The following TXNDC9 variants were observed in gnomAD, a reference collection of about 807,000 sequenced individuals.
The protein encoded by TXNDC9 is thioredoxin domain-containing protein 9.
A neutral mutation model predicts 23.0 loss-of-function variants in TXNDC9; 7 were observed. That is an observed-to-expected ratio of 0.30 (90% CI 0.17 to 0.57). The LOEUF (loss-of-function observed/expected upper bound fraction) is 0.57. Among genes scored for constraint, TXNDC9 ranks in the 20% least tolerant of loss-of-function variants. The pLI is 0.90. For synonymous variants in TXNDC9, 72 were observed against 90.6 expected, an observed-to-expected ratio of 0.79 and a Z score of 1.17; for missense variants, 198 against 252.6, an observed-to-expected ratio of 0.78 and a Z score of 1.47.
At chr2:99,322,861 A>AAG in intron 3 of TXNDC9, 3 of 501,688 alleles carry the variant, frequency 6.0e-6, no homozygotes, top group Non-Finnish European at 8.7e-6. Context: ...TCCCTGGTTC[A>AAG]TGCCATTCTC....
the TXNDC9 span, among the ~76,000 whole-genome samples, chr2:99,310,425 C>T: frequency 2.0e-5 from 3 of 152,074 alleles, no homozygotes; most frequent in African/African-American, 2.4e-5. Context: ...TCCTTGGCCT[C>T]GCAAAGTGCT....
chr2:99,310,032 T>C, the TXNDC9 span, among the ~76,000 whole-genome samples: 1 of 152,142 alleles, frequency 6.6e-6, no homozygotes, highest in Non-Finnish European at 1.5e-5. Flanking sequence ...AAAATGGGAA[T>C]AAAAAGAGTA....
Position 99,321,944 on chromosome 2 carries a change from T to G in TXNDC9, c.563+11A>C. The G allele has an allele frequency of 6.3e-7, 1 of 1,595,136 alleles. No homozygotes were observed. Among genetic ancestry groups the G allele is most frequent in the Non-Finnish European group, 8.5e-7 (1 of 1,171,170 alleles). On this transcript the variant is annotated intron_variant, in intron 4 of 4. Coordinates refer to ENST00000264255, the MANE Select transcript of TXNDC9 (RefSeq NM_005783.4). ...GAATTAAAATCAATCTCTTCTTTTGTTAAAAGTTACCTGTAATTAAGAATG... is the reference window on the plus strand; with the variant it reads ...GAATTAAAATCAATCTCTTCTTTTGGTAAAAGTTACCTGTAATTAAGAATG...
chr2:99,335,220 T>C (rs1282890211), intron 1 of TXNDC9, among the ~76,000 whole-genome samples: 1 of 152,210 alleles, frequency 6.6e-6, no homozygotes, highest in East Asian at 1.9e-4. Flanking sequence ...CACAACAAAC[T>C]GTGAATTCAT....
At chr2:99,314,676 G>A (rs1164420652), downstream of TXNDC9, among the ~76,000 whole-genome samples, 4 of 150,958 alleles carry the variant, frequency 2.6e-5, no homozygotes, top group East Asian at 2.0e-4. Context: ...TACTACAGGC[G>A]CATGCCACCA....
intron 2 of TXNDC9, among the ~76,000 whole-genome samples, chr2:99,330,953 T>C (rs992429380): frequency 1.3e-5 from 2 of 152,218 alleles, no homozygotes; most frequent in African/African-American, 4.8e-5. Flanking sequence ...GACAAATTCA[T>C]TTTAAATTGA....
At chr2:99,316,406 C>T (rs1329016833), downstream of TXNDC9, among the ~76,000 whole-genome samples, 1 of 146,840 alleles carries the variant, frequency 6.8e-6, no homozygotes, top group South Asian at 2.1e-4. Context: ...CTCCTGGCCT[C>T]AAGCACTCCT....
chr2:99,329,606 C>T (rs763959260), intron 2 of TXNDC9, among the ~76,000 whole-genome samples: 1 of 152,238 alleles, frequency 6.6e-6, no homozygotes, highest in Admixed American at 6.5e-5. Flanking sequence ...CTCTCAAATA[C>T]AATTCCCTAA....
At chr2:99,323,267 TGTG>T (rs1325903153) in intron 3 of TXNDC9, among the ~76,000 whole-genome samples, 1 of 150,868 alleles carries the variant, frequency 6.6e-6, no homozygotes, top group Non-Finnish European at 1.5e-5. Flanking sequence ...ATTAGCTGGG[TGTG>T]GTGGTGCATG....
At chr2:99,324,379 T>A (rs1475876012) in intron 3 of TXNDC9, among the ~76,000 whole-genome samples, 3 of 152,288 alleles carry the variant, frequency 2.0e-5, no homozygotes, top group African/African-American at 7.2e-5. Flanking sequence ...CCTCATCACT[T>A]TTTCCCCGGA....
Position 99,328,016 on chromosome 2 carries a change from C to A in TXNDC9, c.190-363G>T, listed in dbSNP as rs2094216836. ...GCCAGGATGGTCTCGATCTCTTGACCTTGTGATCCGCCTGCCTCGGCTTCC... is the reference window on the plus strand; with the variant it reads ...GCCAGGATGGTCTCGATCTCTTGACATTGTGATCCGCCTGCCTCGGCTTCC... On this transcript the variant is annotated intron_variant, in intron 2 of 4. Coordinates refer to ENST00000264255, the MANE Select transcript of TXNDC9 (RefSeq NM_005783.4). Among the ~76,000 whole-genome samples, 5 of 152,008 alleles carry A rather than the reference C, an allele frequency of 3.3e-5. No homozygotes were observed. The South Asian group carries it at 1.0e-3, about 32-fold the overall frequency.
chr2:99,313,237 A>G, the TXNDC9 span, among the ~76,000 whole-genome samples: 2 of 152,188 alleles, frequency 1.3e-5, no homozygotes, highest in African/African-American at 4.8e-5. Context: ...TTCTTCTTCT[A>G]TTTTTTAATT....
At chr2:99,309,916 C>T in the TXNDC9 span, among the ~76,000 whole-genome samples, 507 of 151,554 alleles carry the variant, frequency 3.3e-3, 3 homozygotes, top group African/African-American at 0.012. Context: ...AACTCCTGAC[C>T]TTAGGTGATC....
At chr2:99,328,079 G>A (rs1195341782) in intron 2 of TXNDC9, among the ~76,000 whole-genome samples, 4 of 151,874 alleles carry the variant, frequency 2.6e-5, no homozygotes, top group East Asian at 3.9e-4. Flanking sequence ...CACCGCGCCC[G>A]GCCCAAAAGT....
the TXNDC9 span, among the ~76,000 whole-genome samples, chr2:99,310,044 C>G: frequency 6.6e-6 from 1 of 152,082 alleles, no homozygotes; most frequent in Non-Finnish European, 1.5e-5. Context: ...AAAAGAGTAC[C>G]TACTTCACAG....
downstream of TXNDC9, among the ~76,000 whole-genome samples, chr2:99,316,949 G>C (rs370266395): frequency 1.3e-4 from 20 of 152,228 alleles, no homozygotes; most frequent in South Asian, 1.9e-3. Flanking sequence ...GTAGAGACGG[G>C]GTTTCACGGT....
At chr2:99,330,290 CAAAAAAAAA>C (rs528602849) in intron 2 of TXNDC9, among the ~76,000 whole-genome samples, 127 of 28,158 alleles carry the variant, frequency 4.5e-3, no homozygotes, top group Admixed American at 8.2e-3. Context: ...ACTCTTATCT[CAAAAAAAAA>C]AAAAAAAAAA....
Position 99,332,978 on chromosome 2 carries a change from G to T in TXNDC9, c.189+44C>A. 4.1e-6 allele frequency: 6 copies of T among 1,475,850 alleles called. No individual in the cohort carries two copies. In the East Asian group the frequency reaches 1.4e-4, roughly 33 times the overall value. 91.4% of individuals were successfully genotyped at this position (1,475,850 alleles called of 1,614,324 possible). ...CACATGTATATATAAGTTGTTAGGC[G>T]CATACTGTTATAGCAATTTCAGAAA... On this transcript the variant is annotated intron_variant, in intron 2 of 4. Coordinates refer to ENST00000264255, the MANE Select transcript of TXNDC9 (RefSeq NM_005783.4).
chr2:99,322,160 C>T lies in TXNDC9; in HGVS notation c.358G>A (p.Glu120Lys), dbSNP rs778999185. Residue 120 changes from glutamate (E) to lysine (K), a missense_variant, in exon 4 of 5, where the codon GAG becomes AAG. By Grantham distance (56) the Glu-to-Lys change is moderately conservative. Transcript: ENST00000264255. ...ACATTCAGCTTCAAAAATTTGGTCTCGAGGTGTTTCTTGGACAATATTGCC... is the reference window on the plus strand; with the variant it reads ...ACATTCAGCTTCAAAAATTTGGTCTTGAGGTGTTTCTTGGACAATATTGCC... Reference protein sequence around the residue: ...HLAILSKKHLETKFLKLNVEK... With the variant: ...HLAILSKKHLKTKFLKLNVEK... 1.2e-5 allele frequency: 20 copies of T among 1,614,110 alleles called. No individual in the cohort carries two copies. Among genetic ancestry groups the T allele is most frequent in the Non-Finnish European group, 1.6e-5 (19 of 1,179,996 alleles).
Sources: gnomAD v4.1 joint callset for allele counts (sites outside exome capture counted in the v4.1 genomes callset) on GRCh38, gnomAD v4.1.1 for gene constraint, MANE v1.5 for transcripts, NCBI Gene and HGNC (gene_info 2026-07-23, HGNC 2026-07-21) for gene names.